The following TRIM36 variants were observed in gnomAD, a reference collection of about 807,000 sequenced individuals.
TRIM36 encodes the protein E3 ubiquitin-protein ligase TRIM36.
Under a neutral mutation model 72.4 loss-of-function variants are expected in TRIM36, and 42 were observed. The observed-to-expected ratio is 0.58, with a 90% CI of 0.45 to 0.75. The LOEUF is 0.75. Ranked by LOEUF, TRIM36 falls within the 30% of genes least tolerant of loss-of-function variation. The probability of loss-of-function intolerance (pLI) is 0.00; values close to 1 mark genes in which losing one functional copy is unlikely to be tolerated. For synonymous variants in TRIM36, 315 were observed against 282.8 expected, an observed-to-expected ratio of 1.11 and a Z score of -1.14; for missense variants, 913 against 857.1, an observed-to-expected ratio of 1.07 and a Z score of -0.81.
In TRIM36 at chr5:115,126,700, T is replaced by C. The variant is rs761422440; in HGVS notation, c.1954A>G (p.Thr652Ala). 1.8e-5 allele frequency: 29 copies of C among 1,614,104 alleles called. No homozygotes were observed. The highest frequency in any genetic ancestry group is 1.6e-4 in the East Asian group (7 of 44,886). The part of the protein sequence containing the change: ...EPENRVLPMP[T>A]SIGIFLDCDK... ...CAGTCAAGGAAAATCCCAATACTTG[T>C]TGGCATAGGGAGAACTCTATTTTCA... Residue 652 changes from threonine (T) to alanine (A), a missense_variant, in exon 10 of 10, where the codon ACA (threonine) becomes GCA (alanine). Coordinates refer to ENST00000513154, the MANE Select transcript of TRIM36 (RefSeq NM_001300759.2).
At chr5:115,127,939 A>G (rs1752440202) in intron 9 of TRIM36, among the ~76,000 whole-genome samples, 1 of 152,176 alleles carries the variant, frequency 6.6e-6, no homozygotes, top group Non-Finnish European at 1.5e-5. Context: ...CAGTGGGACA[A>G]GACGTGGAAG....
intron 1 of TRIM36, among the ~76,000 whole-genome samples, chr5:115,169,373 G>C (rs895385135): frequency 6.6e-6 from 1 of 152,220 alleles, no homozygotes; most frequent in Non-Finnish European, 1.5e-5. Context: ...TCGGATTTGC[G>C]CTCTTCTCCG....
chr5:115,144,719 G>C lies in TRIM36; in HGVS notation c.614C>G (p.Thr205Arg), dbSNP rs764090439. Reference sequence around the variant, plus strand: ...TTCACAGTACATGTTTATTCTCTCTGTTTCATGTTCTGGGCACATTAAAAT... The same window carrying C: ...TTCACAGTACATGTTTATTCTCTCTCTTTCATGTTCTGGGCACATTAAAAT... Reference protein sequence around the residue: ...PKILMCPEHETERINMYCELC... With the variant: ...PKILMCPEHERERINMYCELC... Residue 205 changes from threonine (T) to arginine (R), a missense_variant, in exon 4 of 10, where the codon ACA (threonine) becomes AGA (arginine). By Grantham distance (71) the Thr-to-Arg change is moderately conservative (BLOSUM62 -1). Coordinates refer to ENST00000513154, the MANE Select transcript of TRIM36 (RefSeq NM_001300759.2). 2 of 1,613,808 alleles carry C rather than the reference G, an allele frequency of 1.2e-6. No homozygotes were observed. Among genetic ancestry groups the C allele is most frequent in the Non-Finnish European group, 8.5e-7 (1 of 1,179,932 alleles).
chr5:115,154,178 GC>G (rs1440249043), intron 2 of TRIM36, among the ~76,000 whole-genome samples: 1 of 150,052 alleles, frequency 6.7e-6, no homozygotes, highest in African/African-American at 2.4e-5. Context: ...CTGGAACACA[GC>G]AAAGGCAGTG....
upstream of TRIM36, among the ~76,000 whole-genome samples, chr5:115,173,512 G>C (rs1755206686): frequency 7.0e-6 from 1 of 143,196 alleles, no homozygotes; most frequent in Non-Finnish European, 1.5e-5. Context: ...GTGTGGACAT[G>C]TGTATTTGAA....
chr5:115,136,875 C>T (rs1206897927), intron 7 of TRIM36, 125 bp downstream of exon 7: 2 of 826,836 alleles, frequency 2.4e-6, no homozygotes, highest in East Asian at 3.0e-5. Flanking sequence ...TTTCAGGATG[C>T]TGTGATAGTC....
In TRIM36 at chr5:115,169,667, G is replaced by A. The variant is rs1174455697; in HGVS notation, c.-33C>T. 2 of 1,517,528 alleles carry A rather than the reference G, an allele frequency of 1.3e-6. No homozygotes were observed. The highest frequency in any genetic ancestry group is 2.8e-5 in the African/African-American group (2 of 72,410). 94.0% of individuals were successfully genotyped at this position (1,517,528 alleles called of 1,614,324 possible). ...TTCTGCCAGGTGTCATCAGCGGCACGTTCCACTCACACCGGCTACCGAGCG... is the reference window on the plus strand; with the variant it reads ...TTCTGCCAGGTGTCATCAGCGGCACATTCCACTCACACCGGCTACCGAGCG... On this transcript the variant is annotated 5_prime_UTR_variant, in exon 1 of 10. It adds an upstream start codon to the 5' untranslated region. Transcript: ENST00000513154.
chr5:115,179,064 C>T (rs1258126038), intron 1 of TRIM36, among the ~76,000 whole-genome samples: 1 of 152,188 alleles, frequency 6.6e-6, no homozygotes, highest in Non-Finnish European at 1.5e-5. Flanking sequence ...CACCTCTTCT[C>T]GAAGCTCCAG....
In TRIM36 at chr5:115,142,188, A is replaced by G. The variant is rs74801083; in HGVS notation, c.736-814T>C. 8.5e-3 allele frequency among the ~76,000 whole-genome samples: 1,297 copies of G among 152,290 alleles called. 17 individuals carry two copies. The highest frequency in any genetic ancestry group is 0.03 in the African/African-American group (1,234 of 41,564). On this transcript the variant is annotated intron_variant, in intron 4 of 9. Coordinates refer to ENST00000513154, the MANE Select transcript of TRIM36 (RefSeq NM_001300759.2). ...GGCCAATCTGAGCATTTCAGGCTCAATTACCACCGATGACTTGAAACGAAA... is the reference window on the plus strand; with the variant it reads ...GGCCAATCTGAGCATTTCAGGCTCAGTTACCACCGATGACTTGAAACGAAA...
intron 1 of TRIM36, chr5:115,177,426 T>A (rs886088189): frequency 2.9e-5 from 25 of 858,910 alleles, no homozygotes; most frequent in Non-Finnish European, 3.5e-5. Flanking sequence ...GCCTCTACTC[T>A]CTTAACTCTC....
chr5:115,172,042 A>AGG (rs1481871004), upstream of TRIM36, among the ~76,000 whole-genome samples: 1 of 152,100 alleles, frequency 6.6e-6, no homozygotes, highest in Non-Finnish European at 1.5e-5. Context: ...TCTTGTTTTA[A>AGG]TTTTGTGTTT....
rs1755427836 is a variant in TRIM36, at chr5:115,178,057, C to T, written c.63+1918G>A. On this transcript the variant is annotated intron_variant, in intron 1 of 9. Coordinates refer to the TRIM36 transcript ENST00000282369. ...TTTTAATGGTTCTGCCCTACTTCCCCATTTCGTGTTCATAGGACATCCATC... is the reference window on the plus strand; with the variant it reads ...TTTTAATGGTTCTGCCCTACTTCCCTATTTCGTGTTCATAGGACATCCATC... 2.6e-5 allele frequency among the ~76,000 whole-genome samples: 4 copies of T among 152,130 alleles called. No individual in the cohort carries two copies. In the South Asian group the frequency reaches 8.3e-4, roughly 31 times the overall value.
chr5:115,146,999 C>T (rs115632568), intron 3 of TRIM36, 70 bp downstream of exon 3: 13,351 of 1,326,570 alleles, frequency 0.01, 87 homozygotes, highest in Middle Eastern at 0.015. Context: ...TATTTCGTAA[C>T]ATTAAGTACA....
Position 115,126,340 on chromosome 5 carries a change from T to G in TRIM36, c.*163A>C. 1.7e-6 allele frequency: 1 copy of G among 589,718 alleles called. No homozygotes were observed. The highest frequency in any genetic ancestry group is 2.9e-6 in the Non-Finnish European group (1 of 342,082). 36.5% of individuals were successfully genotyped at this position (589,718 alleles called of 1,614,324 possible). ...ATTTGTGAAAGGCAGAACAACGACA[T>G]GAAGACACAAGGCTGTTTAGATTTT... On this transcript the variant is annotated 3_prime_UTR_variant, in exon 10 of 10. Coordinates refer to ENST00000513154, the MANE Select transcript of TRIM36 (RefSeq NM_001300759.2).
At chr5:115,164,458 T>A (rs1423193127) in intron 1 of TRIM36, among the ~76,000 whole-genome samples, 1 of 151,680 alleles carries the variant, frequency 6.6e-6, no homozygotes, top group African/African-American at 2.4e-5. Context: ...GGCTAGGGAG[T>A]CCTCAAGAAA....
intron 2 of TRIM36, chr5:115,159,529 A>G: frequency 2.7e-6 from 1 of 375,972 alleles, no homozygotes; most frequent in Non-Finnish European, 5.2e-6. Flanking sequence ...TTCACTCTCT[A>G]CACAATTTTG....
upstream of TRIM36, among the ~76,000 whole-genome samples, chr5:115,170,302 T>G (rs1208172727): frequency 6.6e-6 from 1 of 152,220 alleles, no homozygotes; most frequent in Non-Finnish European, 1.5e-5. Context: ...CCCTGGCCCC[T>G]GGCCCCTGGC....
chr5:115,169,663 G>A lies in TRIM36; in HGVS notation c.-29C>T. 10 of 1,519,432 alleles carry A rather than the reference G, an allele frequency of 6.6e-6. No homozygotes were observed. The highest frequency in any genetic ancestry group is 2.5e-5 in the East Asian group (1 of 39,960). The allele number at this position is 1,519,432 out of a possible 1,614,324, so 94.1% of individuals were successfully genotyped here. A position where few individuals can be genotyped will look rare whatever the true frequency, so the allele number is the denominator to read the frequency against. ...TGCCTTCTGCCAGGTGTCATCAGCGGCACGTTCCACTCACACCGGCTACCG... is the reference window on the plus strand; with the variant it reads ...TGCCTTCTGCCAGGTGTCATCAGCGACACGTTCCACTCACACCGGCTACCG... On this transcript the variant is annotated 5_prime_UTR_variant, in exon 1 of 10. Coordinates refer to ENST00000513154, the MANE Select transcript of TRIM36 (RefSeq NM_001300759.2).
At chr5:115,179,479 T>C (rs953283159) in intron 1 of TRIM36, among the ~76,000 whole-genome samples, 3 of 152,266 alleles carry the variant, frequency 2.0e-5, no homozygotes, top group Non-Finnish European at 4.4e-5. Flanking sequence ...ACGAACGTGC[T>C]GTCCCTATTT....
Sources: allele counts gnomAD v4.1 joint callset (sites outside exome capture counted in the v4.1 genomes callset), GRCh38; gene constraint gnomAD v4.1.1; transcripts MANE v1.5; gene names NCBI Gene and HGNC (gene_info 2026-07-23, HGNC 2026-07-21).